FREM1: variants seen among roughly 807,000 people sequenced by gnomAD.
The protein encoded by FREM1 is FRAS1-related extracellular matrix protein 1.
FREM1 carries 220 observed loss-of-function variants against 210.1 expected under a neutral mutation model. The observed-to-expected ratio is 1.05, with a 90% CI of 0.94 to 1.17. The LOEUF is 1.17. FREM1 is among the 50% of genes most tolerant of loss of function. The probability of loss-of-function intolerance (pLI) is 0.00; values close to 1 mark genes in which losing one functional copy is unlikely to be tolerated. For missense variants in FREM1, 3,454 were observed against 2,675.5 expected, an observed-to-expected ratio of 1.29 and a Z score of -6.42; for synonymous variants, 1,189 against 980.2, an observed-to-expected ratio of 1.21 and a Z score of -3.98.
rs142276324 is a variant in FREM1 at position 14,797,705 on chromosome 9, C to T, written c.3695-63G>A. The T allele has an allele frequency of 1.5e-5, 20 of 1,353,056 alleles. No individual in the cohort carries two copies. The East Asian group carries it at 4.6e-4, about 31-fold the overall frequency. 83.8% of individuals were successfully genotyped at this position (1,353,056 alleles called of 1,614,324 possible). Reference sequence around the variant, plus strand: ...GATTGAACCATCATGACATATGTCACAGATAATGTCTTAATTTTCAAGGCA... The same window carrying T: ...GATTGAACCATCATGACATATGTCATAGATAATGTCTTAATTTTCAAGGCA... On this transcript the variant is annotated intron_variant, in intron 20 of 36. Transcript: ENST00000380880.
At chr9:14,782,756 C>A (rs1452275640) in intron 24 of FREM1, among the ~76,000 whole-genome samples, 1 of 152,186 alleles carries the variant, frequency 6.6e-6, no homozygotes, top group Non-Finnish European at 1.5e-5. Flanking sequence ...TTAGTTCTTC[C>A]TATGTGCCAG....
intron 1 of FREM1, among the ~76,000 whole-genome samples, chr9:14,875,514 T>A (rs1189416982): frequency 6.6e-6 from 1 of 152,240 alleles, no homozygotes; most frequent in Non-Finnish European, 1.5e-5. Flanking sequence ...GAGCCTTGGC[T>A]TTCAGCTCCA....
rs374011565 is a variant in FREM1 at position 14,801,862 on chromosome 9, G to C, written c.3484C>G (p.Gln1162Glu). Reference protein sequence around the residue: ...VVQNITVCEGQMKELDSSIIS... With the variant: ...VVQNITVCEGEMKELDSSIIS... ...ATGGAAGAGTCCAGCTCTTTCATCT[G>C]ACCCTCACACACCTGAGCAAGAACA... The change falls in exon 20 of 37, where the codon CAG (glutamine) becomes GAG (glutamate). Residue 1162 changes from glutamine to glutamate, a missense_variant. Transcript: ENST00000380880. The C allele has an allele frequency of 5.6e-6, 9 of 1,612,088 alleles. No individual in the cohort carries two copies. In the African/African-American group the frequency reaches 1.2e-4, roughly 22 times the overall value.
chr9:14,846,651 A>G (rs1236652119), intron 7 of FREM1, among the ~76,000 whole-genome samples: 3 of 152,234 alleles, frequency 2.0e-5, no homozygotes, highest in Non-Finnish European at 4.4e-5. Context: ...GCTTTTCAAG[A>G]AACTGGAATG....
intron 10 of FREM1, among the ~76,000 whole-genome samples, chr9:14,840,505 A>G (rs1825487371): frequency 6.6e-6 from 1 of 152,178 alleles, no homozygotes; most frequent in South Asian, 2.1e-4. Flanking sequence ...AGAGCGCGCA[A>G]GCTTGTACAG....
chr9:14,824,729 C>T (rs1822018305), intron 11 of FREM1, 67 bp downstream of exon 11: 2 of 986,160 alleles, frequency 2.0e-6, no homozygotes, highest in East Asian at 2.6e-5. Flanking sequence ...ATATATATTG[C>T]TCTATATTGA....
At chr9:14,886,115 G>A (rs140939103) in intron 1 of FREM1, among the ~76,000 whole-genome samples, 3 of 152,168 alleles carry the variant, frequency 2.0e-5, no homozygotes, top group East Asian at 1.9e-4. Flanking sequence ...TGCTGTGTGC[G>A]GTGGCTCACG....
Position 14,784,755 on chromosome 9 carries a change from T to C in FREM1, c.4178-121A>G, listed in dbSNP as rs79885736. 2,139 of 579,364 alleles carry C rather than the reference T, an allele frequency of 3.7e-3. 25 individuals are homozygous for C. The highest frequency in any genetic ancestry group is 0.035 in the African/African-American group (1,860 of 53,148). 35.9% of individuals were successfully genotyped at this position (579,364 alleles called of 1,614,324 possible). A position where few individuals can be genotyped will look rare whatever the true frequency, so the allele number is the denominator to read the frequency against. ...TCAAAATTAATACGACATAGAAAGG[T>C]TTATATAACTATTATGAATAAAAAT... is the stretch of plus-strand genomic sequence containing the variant. On this transcript the variant is annotated intron_variant, in intron 23 of 36. Transcript: ENST00000380880.
chr9:14,784,671 C>A (rs1199219327), intron 23 of FREM1, 37 bp from the exon 24 acceptor site: 1 of 1,424,146 alleles, frequency 7.0e-7, no homozygotes, highest in South Asian at 1.8e-5. Flanking sequence ...ATAATCATAT[C>A]AAAAAACACA....
At chr9:14,848,878 G>A (rs1588348914) in intron 6 of FREM1, 105 bp from the exon 7 acceptor site, 2 of 568,182 alleles carry the variant, frequency 3.5e-6, no homozygotes, top group Middle Eastern at 4.7e-4. Context: ...TTTTCTGCGG[G>A]GATTCACATT....
intron 12 of FREM1, among the ~76,000 whole-genome samples, 158 bp from the exon 13 acceptor site, chr9:14,823,485 G>A (rs957161481): frequency 1.8e-4 from 28 of 152,108 alleles, no homozygotes; most frequent in Non-Finnish European, 3.8e-4. Context: ...TACTTCAATG[G>A]CAAAAACTGC....
In FREM1 at chr9:14,747,416, C is replaced by T. The variant is rs1202521017; in HGVS notation, c.5857G>A (p.Val1953Ile). Residue 1953 changes from valine to isoleucine, a missense_variant, in exon 33 of 37, where the codon GTT becomes ATT. Val to Ile is a conservative substitution (Grantham distance 29, BLOSUM62 3). Coordinates refer to ENST00000380880, the MANE Select transcript of FREM1 (RefSeq NM_001379081.2). The part of the protein sequence containing the change: ...TDIIYNYHGI[V>I]SLKLEDDSFP... The stretch of plus-strand genomic sequence containing the variant: ...CTGTCATCCTCCAGTTTCAAGGAAA[C>T]TATCCCATGATACTTGAGGAAACCA... The T allele has an allele frequency of 1.2e-6, 2 of 1,613,188 alleles. No individual in the cohort carries two copies. The highest frequency in any genetic ancestry group is 8.5e-7 in the Non-Finnish European group (1 of 1,179,554).
chr9:14,772,119 A>T (rs2132530905), intron 25 of FREM1, among the ~76,000 whole-genome samples: 1 of 152,222 alleles, frequency 6.6e-6, no homozygotes, highest in South Asian at 2.1e-4. Flanking sequence ...AAAAAAACAG[A>T]AATAATTATA....
chr9:14,820,377 T>C (rs777086663), intron 13 of FREM1, among the ~76,000 whole-genome samples: 8 of 152,280 alleles, frequency 5.3e-5, no homozygotes, highest in Middle Eastern at 6.8e-3. Context: ...GGTGGTCTAG[T>C]AAGGTGCCCT....
At chr9:14,835,924 G>A (rs978325005) in intron 10 of FREM1, among the ~76,000 whole-genome samples, 4 of 152,032 alleles carry the variant, frequency 2.6e-5, no homozygotes, top group African/African-American at 4.8e-5. Flanking sequence ...CGTTTTAGAC[G>A]AACCCTGCTT....
chr9:14,805,285 C>T, intron 18 of FREM1, 133 bp from the exon 19 acceptor site: 2 of 493,636 alleles, frequency 4.1e-6, no homozygotes, highest in Non-Finnish European at 3.5e-6. Context: ...ACCTAAGTAT[C>T]TTGCTATCAA....
chr9:14,797,387 G>T, intron 21 of FREM1, 111 bp downstream of exon 21: 1 of 765,642 alleles, frequency 1.3e-6, no homozygotes, highest in Non-Finnish European at 1.9e-6. Context: ...GCTGTGACAG[G>T]AGCTAGCGAA....
rs746001376 is a variant in FREM1 at position 14,759,905 on chromosome 9, T to C, written c.5205-4A>G. 69 of 1,605,808 alleles carry C rather than the reference T, an allele frequency of 4.3e-5. No homozygotes were observed. The Admixed American group carries it at 1.1e-3, about 26-fold the overall frequency. On this transcript the variant is annotated splice_polypyrimidine_tract_variant and splice_region_variant and intron_variant, in intron 27 of 36. Coordinates refer to ENST00000380880, the MANE Select transcript of FREM1 (RefSeq NM_001379081.2). ...ATGAGACCACTTCAGTTCCAAACTG[T>C]GTGTGAAAGGAAAAGAGAAATCATG...
chr9:14,796,208 T>G (rs1852349225), intron 21 of FREM1, among the ~76,000 whole-genome samples: 1 of 151,946 alleles, frequency 6.6e-6, no homozygotes, highest in Non-Finnish European at 1.5e-5. Context: ...TTCTGCAGAG[T>G]GGAAGAGATT....
Sources: gnomAD v4.1 joint callset for allele counts (sites outside exome capture counted in the v4.1 genomes callset) on GRCh38, gnomAD v4.1.1 for gene constraint, MANE v1.5 for transcripts, NCBI Gene and HGNC (gene_info 2026-07-23, HGNC 2026-07-21) for gene names.